Variants in AGPAT5 observed in about 807,000 individuals in gnomAD.
AGPAT5 encodes the protein 1-acylglycerol-3-phosphate O-acyltransferase 5.
AGPAT5 carries 46 observed loss-of-function variants against 45.6 expected under a neutral mutation model. The ratio of observed to expected loss-of-function variants is 1.01; its 90% CI spans 0.80 to 1.29. AGPAT5 has a LOEUF of 1.29. Among genes scored for constraint, AGPAT5 ranks in the 50% most tolerant of loss-of-function variants. AGPAT5 has a pLI of 0.00. For missense variants in AGPAT5, 673 were observed against 450.7 expected (o/e 1.49, Z -4.47); for synonymous variants, 272 against 167.0 (o/e 1.63, Z -4.85).
chr8:6,716,618 G>C (rs1482662815), intron 1 of AGPAT5, among the ~76,000 whole-genome samples: 1 of 152,104 alleles, frequency 6.6e-6, no homozygotes, highest in Non-Finnish European at 1.5e-5. Context: ...TGGATCACCT[G>C]AGGTCGGGAG....
At chr8:6,731,563 G>C (rs1456894324) in intron 3 of AGPAT5, among the ~76,000 whole-genome samples, 1 of 151,054 alleles carries the variant, frequency 6.6e-6, no homozygotes, top group Admixed American at 6.6e-5. Context: ...ACATATTTTT[G>C]ATCTGTGATT....
chr8:6,716,981 C>G (rs1800354895), intron 1 of AGPAT5, among the ~76,000 whole-genome samples: 2 of 152,158 alleles, frequency 1.3e-5, no homozygotes, highest in Admixed American at 6.5e-5. Context: ...AAGTTTTGCT[C>G]TAACAGGGTA....
rs778146027 is a variant in AGPAT5, at chr8:6,747,702, C to T, written c.619C>T (p.Arg207Ter). Reference sequence around the variant, plus strand: ...AGTATTAAAACATGTGCTAACACCACGAATAAAGGCAACTCACGTTGCTTT... The same window carrying T: ...AGTATTAAAACATGTGCTAACACCATGAATAAAGGCAACTCACGTTGCTTT... ...LAVLKHVLTP[R>*]IKATHVAFDC... Residue 207 changes from arginine (R) to a stop codon, truncating the protein, a stop_gained, in exon 6 of 8, where the codon CGA (arginine) becomes TGA (stop). Coordinates refer to ENST00000285518, the MANE Select transcript of AGPAT5 (RefSeq NM_018361.5). LOFTEE classifies it high-confidence loss of function. 1.5e-5 allele frequency: 24 copies of T among 1,613,858 alleles called. No homozygotes were observed. The highest frequency in any genetic ancestry group is 2.2e-5 in the East Asian group (1 of 44,894).
At chr8:6,726,783 T>A (rs1429127013) in intron 2 of AGPAT5, among the ~76,000 whole-genome samples, 1 of 152,178 alleles carries the variant, frequency 6.6e-6, no homozygotes, top group East Asian at 1.9e-4. Context: ...TCCGAGTGCC[T>A]GTGACTTTGT....
chr8:6,740,121 C>T (rs926089332), intron 4 of AGPAT5, among the ~76,000 whole-genome samples: 3 of 152,122 alleles, frequency 2.0e-5, no homozygotes, highest in Non-Finnish European at 2.9e-5. Context: ...TTCATGCCTT[C>T]CTGCTGTCTG....
intron 4 of AGPAT5, among the ~76,000 whole-genome samples, chr8:6,738,814 C>G: frequency 6.6e-6 from 1 of 151,996 alleles, no homozygotes; most frequent in Non-Finnish European, 1.5e-5. Context: ...TTTTGAAGAA[C>G]ATACTTTTAA....
At chr8:6,750,658 A>T (rs1456889868) in intron 6 of AGPAT5, among the ~76,000 whole-genome samples, 1 of 152,190 alleles carries the variant, frequency 6.6e-6, no homozygotes, top group Non-Finnish European at 1.5e-5. Context: ...AAAGAACAAC[A>T]ATAGACATTT....
chr8:6,756,164 T>G (rs1801825539), intron 7 of AGPAT5, among the ~76,000 whole-genome samples: 1 of 152,190 alleles, frequency 6.6e-6, no homozygotes, highest in South Asian at 2.1e-4. Context: ...ACTTTACAAA[T>G]CTTATGTAAT....
intron 1 of AGPAT5, among the ~76,000 whole-genome samples, chr8:6,723,730 G>A (rs548442480): frequency 6.6e-6 from 1 of 152,204 alleles, no homozygotes; most frequent in Admixed American, 6.5e-5. Context: ...ACATAGCACT[G>A]TGCAGTTTCT....
At chr8:6,718,853 CAA>C (rs1303348209) in intron 1 of AGPAT5, among the ~76,000 whole-genome samples, 2 of 152,168 alleles carry the variant, frequency 1.3e-5, no homozygotes, top group Non-Finnish European at 2.9e-5. Context: ...ATTACATCAG[CAA>C]CATATAGGCT....
chr8:6,757,211 A>T lies in AGPAT5; in HGVS notation c.918A>T (p.Arg306Ser), dbSNP rs758004547. Residue 306 changes from arginine to serine, a missense_variant, in exon 8 of 8, where the codon AGA (arginine) becomes AGT (serine). Coordinates refer to ENST00000285518, the MANE Select transcript of AGPAT5 (RefSeq NM_018361.5). ...CACCAGATCCAGAAAGAAGAAAAAG[A>T]TTTCCTGGGAAAAGTGTTAATTCCA... ...YESPDPERRK[R>S]FPGKSVNSKL... 1.2e-6 allele frequency: 2 copies of T among 1,614,222 alleles called. No homozygotes were observed. Among genetic ancestry groups the T allele is most frequent in the South Asian group, 2.2e-5 (2 of 91,088 alleles).
At chr8:6,720,152 C>A (rs1240123718) in intron 1 of AGPAT5, among the ~76,000 whole-genome samples, 2 of 152,056 alleles carry the variant, frequency 1.3e-5, no homozygotes, top group Non-Finnish European at 2.9e-5. Context: ...GAGAAAGCCC[C>A]ACTAGATAGT....
At chr8:6,752,610 G>T (rs542524526) in intron 6 of AGPAT5, among the ~76,000 whole-genome samples, 1 of 152,096 alleles carries the variant, frequency 6.6e-6, no homozygotes, top group African/African-American at 2.4e-5. Context: ...TGACCTGTAC[G>T]AATAGTTGGA....
At chr8:6,727,815 C>T (rs892255397) in intron 2 of AGPAT5, among the ~76,000 whole-genome samples, 4 of 152,180 alleles carry the variant, frequency 2.6e-5, no homozygotes, top group African/African-American at 9.7e-5. Flanking sequence ...GACCCAGGTT[C>T]CTGTTCGGCA....
chr8:6,744,051 C>G (rs1159096127), intron 5 of AGPAT5, among the ~76,000 whole-genome samples: 1 of 151,916 alleles, frequency 6.6e-6, no homozygotes, highest in Non-Finnish European at 1.5e-5. Context: ...ATGTCTCAAA[C>G]ATCATATGAA....
chr8:6,731,422 C>T (rs1587026261), intron 3 of AGPAT5, among the ~76,000 whole-genome samples: 1 of 152,162 alleles, frequency 6.6e-6, no homozygotes, highest in African/African-American at 2.4e-5. Context: ...ATAACCTGTG[C>T]ACTACTTTAA....
At chr8:6,747,908 G>T in intron 6 of AGPAT5, 80 bp downstream of exon 6, 2 of 1,430,412 alleles carry the variant, frequency 1.4e-6, no homozygotes, top group East Asian at 2.3e-5. Flanking sequence ...GTTTTACAAA[G>T]TAGGTTAAGT....
chr8:6,719,673 C>G (rs1009898573), intron 1 of AGPAT5, among the ~76,000 whole-genome samples: 1 of 152,178 alleles, frequency 6.6e-6, no homozygotes, highest in East Asian at 1.9e-4. Context: ...CCAGCTTTAC[C>G]ACCCAAACAA....
In AGPAT5 at chr8:6,732,551, A is replaced by G. The variant is rs755555291; in HGVS notation, c.406-10A>G. ...AGTAAATGCTCTTTCTCCCGATTTG[A>G]TTGTGGCAGCATGGAGGAATCTATG... On this transcript the variant is annotated splice_polypyrimidine_tract_variant and intron_variant, in intron 3 of 7. Coordinates refer to ENST00000285518, the MANE Select transcript of AGPAT5 (RefSeq NM_018361.5). 9 of 1,584,366 alleles carry G rather than the reference A, an allele frequency of 5.7e-6. No individual in the cohort carries two copies. The South Asian group carries it at 9.4e-5, about 17-fold the overall frequency.
Sources: gnomAD v4.1 joint callset for allele counts (sites outside exome capture counted in the v4.1 genomes callset) on GRCh38, gnomAD v4.1.1 for gene constraint, MANE v1.5 for transcripts, NCBI Gene and HGNC (gene_info 2026-07-23, HGNC 2026-07-21) for gene names.